Variants in NR2C2 observed in about 807,000 individuals in gnomAD.
NR2C2 encodes nuclear receptor subfamily 2 group C member 2, also known as Nuclear hormone receptor TR4.
In NR2C2, 6 loss-of-function variants were observed where a neutral mutation model predicts 62.9. The ratio of observed to expected loss-of-function variants is 0.10; its 90% CI spans 0.05 to 0.19. NR2C2 has a LOEUF of 0.19. Ranked by LOEUF, NR2C2 falls within the 10% of genes least tolerant of loss-of-function variation. The pLI is 1.00. For missense variants in NR2C2, 479 were observed against 762.7 expected (o/e 0.63, Z 4.38); for synonymous variants, 272 against 273.8 (o/e 0.99, Z 0.07).
At chr3:14,972,169 TC>T (rs1399692289) in intron 1 of NR2C2, among the ~76,000 whole-genome samples, 1 of 150,230 alleles carries the variant, frequency 6.7e-6, no homozygotes, top group African/African-American at 2.4e-5. Context: ...TTTTTCTTTT[TC>T]TTTCTTTTTT....
chr3:14,981,155 A>G (rs1382722538), intron 1 of NR2C2, among the ~76,000 whole-genome samples: 2 of 152,186 alleles, frequency 1.3e-5, no homozygotes, highest in Non-Finnish European at 2.9e-5. Flanking sequence ...CACTGTACAT[A>G]TATCATCCTA....
chr3:15,004,506 A>G (rs2041111451), intron 2 of NR2C2: 3 of 1,529,534 alleles, frequency 2.0e-6, no homozygotes, highest in African/African-American at 1.4e-5. Flanking sequence ...CTTATTACTA[A>G]TATTGTTATT....
rs748604063 is a variant in NR2C2 at position 15,029,842 on chromosome 3, T to TAGAG, written c.933-432_933-431insGAGA. 4.4e-5 allele frequency among the ~76,000 whole-genome samples: 5 copies of TAGAG among 112,558 alleles called. 1 individual carries two copies. Among genetic ancestry groups the TAGAG allele is most frequent in the African/African-American group, 2.0e-4 (5 of 24,996 alleles). The allele number at this position is 112,558 out of a possible 152,430, so 73.8% of individuals were successfully genotyped here. A position where few individuals can be genotyped will look rare whatever the true frequency, so the allele number is the denominator to read the frequency against. ...ATAGATAGATAGATAGATAGATAGA[T>TAGAG]ATAGATAGACCCCATCTCTGAAAGA... is the stretch of plus-strand genomic sequence containing the variant. On this transcript the variant is annotated intron_variant, in intron 8 of 13. Transcript: ENST00000425241.
chr3:15,034,618 C>G, intron 10 of NR2C2, 52 bp from the exon 11 acceptor site: 1 of 1,589,748 alleles, frequency 6.3e-7, no homozygotes, highest in African/African-American at 1.3e-5. Context: ...GCCCCACAAC[C>G]TTGGAGAAAT....
chr3:14,968,973 CTG>C (rs2039949831), intron 1 of NR2C2, among the ~76,000 whole-genome samples: 1 of 132,980 alleles, frequency 7.5e-6, no homozygotes, highest in African/African-American at 2.9e-5. Flanking sequence ...ACATCACACT[CTG>C]GGGACTGTTG....
intron 1 of NR2C2, among the ~76,000 whole-genome samples, chr3:14,991,484 G>A (rs945818100): frequency 5.3e-5 from 8 of 152,158 alleles, no homozygotes; most frequent in Non-Finnish European, 8.8e-5. Flanking sequence ...GGTGTCCCCT[G>A]CCTAACACCC....
At chr3:15,018,604 C>T (rs1283774752) in intron 4 of NR2C2, among the ~76,000 whole-genome samples, 2 of 152,220 alleles carry the variant, frequency 1.3e-5, no homozygotes, top group East Asian at 3.9e-4. Flanking sequence ...TGGCTCATGC[C>T]TATAATCCCA....
intron 1 of NR2C2, among the ~76,000 whole-genome samples, chr3:14,958,289 A>ACC (rs2039585352): frequency 6.6e-6 from 1 of 151,964 alleles, no homozygotes; most frequent in Non-Finnish European, 1.5e-5. Flanking sequence ...GAACTGATGG[A>ACC]GGTGGTTGGA....
In NR2C2 at chr3:15,034,796, C is replaced by T; in HGVS notation, c.1359C>T (p.Asn453=). 1 of 1,613,006 alleles carries T rather than the reference C, an allele frequency of 6.2e-7. No individual in the cohort carries two copies. Among genetic ancestry groups the T allele is most frequent in the Non-Finnish European group, 8.5e-7 (1 of 1,179,472 alleles). The part of the protein sequence containing the change: ...ILAAIVNHLQ[N]SIQEDKLSGD... ...CTGCCATTGTCAACCACCTGCAGAA[C>T]AGCATCCAGGAAGGTAGGGCACAGG... is the stretch of plus-strand genomic sequence containing the variant. Residue 453 remains asparagine, a synonymous_variant, in exon 11 of 14, where the codon AAC becomes AAT. Transcript: ENST00000425241.
chr3:14,950,654 T>A (rs927371339), intron 1 of NR2C2, among the ~76,000 whole-genome samples: 1 of 152,088 alleles, frequency 6.6e-6, no homozygotes, highest in African/African-American at 2.4e-5. Context: ...TTATCTCACT[T>A]TATAATTACA....
At chr3:14,998,112 A>G (rs1348566468) in intron 1 of NR2C2, among the ~76,000 whole-genome samples, 1 of 152,122 alleles carries the variant, frequency 6.6e-6, no homozygotes, top group Admixed American at 6.5e-5. Flanking sequence ...ATTCCTTTTT[A>G]TTGCCAAATA....
chr3:14,953,365 T>C (rs1379763300), intron 1 of NR2C2, among the ~76,000 whole-genome samples: 1 of 152,018 alleles, frequency 6.6e-6, no homozygotes, highest in Non-Finnish European at 1.5e-5. Flanking sequence ...AAAGAATATT[T>C]CCCCCCTGTT....
rs1181720747 is a variant in NR2C2, at chr3:15,046,974, C to G, written c.*3966C>G. The G allele has an allele frequency of 6.6e-6, 1 of 152,656 alleles. No homozygotes were observed. The highest frequency in any genetic ancestry group is 1.9e-4 in the East Asian group (1 of 5,188). The allele number at this position is 152,656 out of a possible 1,614,324, so 9.5% of individuals were successfully genotyped here. ...CTTCTCATTGTGTGCCTCCCACCAG[C>G]GTGCACTTCGTATGTCCAGCCCTGG... On this transcript the variant is annotated 3_prime_UTR_variant, in exon 14 of 14. Coordinates refer to ENST00000425241, the MANE Select transcript of NR2C2 (RefSeq NM_001291694.2).
At chr3:15,032,523 T>C (rs2042006076) in intron 10 of NR2C2, 23 bp downstream of exon 10, 1 of 1,614,190 alleles carries the variant, frequency 6.2e-7, no homozygotes, top group Admixed American at 1.7e-5. Context: ...TTGCTGTGCA[T>C]GTATCCTCGG....
At position 15,016,846 on chromosome 3, in the gene NR2C2, G is replaced by A. The variant is rs139443131; in HGVS notation, c.376+592G>A. 4.8e-3 allele frequency among the ~76,000 whole-genome samples: 727 copies of A among 152,326 alleles called. 10 individuals are homozygous for A. Among genetic ancestry groups the A allele is most frequent in the Middle Eastern group, 0.041 (12 of 294 alleles). On this transcript the variant is annotated intron_variant, in intron 4 of 13. Transcript: ENST00000425241. The stretch of plus-strand genomic sequence containing the variant: ...ATCAATACCCATGGTATCCTTGAGA[G>A]AGAGCTCATAGGCTTCTGTGATTAC...
In NR2C2 at chr3:15,042,490, G is replaced by A. The variant is rs564214906; in HGVS notation, c.1617-344G>A. 2.7e-5 allele frequency: 5 copies of A among 185,912 alleles called. No homozygotes were observed. The East Asian group carries it at 6.6e-4, about 25-fold the overall frequency. 11.5% of individuals were successfully genotyped at this position (185,912 alleles called of 1,614,324 possible). ...TCAGTAAATACAGGTTTGTATTATC[G>A]TTTTTTAAATGAGTCTCTAGCAGTT... On this transcript the variant is annotated intron_variant, in intron 13 of 13. Transcript: ENST00000425241.
chr3:15,004,449 G>T, intron 2 of NR2C2: 1 of 1,113,894 alleles, frequency 9.0e-7, no homozygotes. Flanking sequence ...TGCTTAGAAT[G>T]GTACCTGGCA....
rs1320790412 is a variant in NR2C2, at chr3:15,020,842, A to G, written c.466A>G (p.Asn156Asp). The change falls in exon 5 of 14, where the codon AAC becomes GAC. Residue 156 changes from asparagine (N) to aspartate (D), a missense_variant. Around this residue, in one of 4 missense-constraint regions of NR2C2, gnomAD observed 51 missense variants for 137.5 expected, o/e 0.37. Transcript: ENST00000425241. Reference protein sequence around the residue: ...RKNLTYSCRSNQDCIINKHHR... With the variant: ...RKNLTYSCRSDQDCIINKHHR... ...AAATTTGACCTACAGCTGCCGGAGCAACCAAGACTGCATCATCAATAAACA... is the reference window on the plus strand; with the variant it reads ...AAATTTGACCTACAGCTGCCGGAGCGACCAAGACTGCATCATCAATAAACA... 6.2e-7 allele frequency: 1 copy of G among 1,614,226 alleles called. No homozygotes were observed. The highest frequency in any genetic ancestry group is 8.5e-7 in the Non-Finnish European group (1 of 1,180,034).
intron 11 of NR2C2, among the ~76,000 whole-genome samples, chr3:15,037,208 T>TG: frequency 8.2e-6 from 1 of 121,566 alleles, no homozygotes; most frequent in South Asian, 2.3e-4. Context: ...TTGTTTTTTG[T>TG]TTGTGTGTGT....
Sources: gnomAD v4.1 joint callset for allele counts (sites outside exome capture counted in the v4.1 genomes callset) on GRCh38, gnomAD v4.1.1 for gene constraint, gnomAD v4.1.1 regional missense constraint, MANE v1.5 for transcripts, NCBI Gene and HGNC (gene_info 2026-07-23, HGNC 2026-07-21) for gene names.